Variants in CMSS1 observed in about 807,000 individuals in gnomAD.
The protein encoded by CMSS1 is protein CMSS1.
A neutral mutation model predicts 43.5 loss-of-function variants in CMSS1; 33 were observed. The ratio of observed to expected loss-of-function variants is 0.76; its 90% CI spans 0.57 to 1.01. The LOEUF (loss-of-function observed/expected upper bound fraction) is 1.01, where lower values mean the gene tolerates loss of function less well. CMSS1 is among the 50% of genes least tolerant of loss of function. The pLI is 0.00. For synonymous variants in CMSS1, 115 were observed against 117.2 expected (o/e 0.98, Z 0.12); for missense variants, 313 against 326.4 (o/e 0.96, Z 0.32).
intron 1 of CMSS1, among the ~76,000 whole-genome samples, chr3:100,047,630 G>A (rs35410052): frequency 2.2e-3 from 332 of 152,298 alleles, no homozygotes; most frequent in Non-Finnish European, 3.8e-3. Context: ...TCAACTGCAG[G>A]TGTCTGTCAA....
At chr3:99,845,776 T>C (rs1019210647) in intron 1 of CMSS1, among the ~76,000 whole-genome samples, 2 of 152,198 alleles carry the variant, frequency 1.3e-5, no homozygotes, top group African/African-American at 4.8e-5. Context: ...GTAACACTTG[T>C]AATAATCTAC....
At chr3:99,949,817 G>C (rs1220608957) in intron 1 of CMSS1, among the ~76,000 whole-genome samples, 1 of 152,102 alleles carries the variant, frequency 6.6e-6, no homozygotes, top group African/African-American at 2.4e-5. Context: ...CTTACATGTA[G>C]AAATAATTCT....
chr3:100,083,826 T>C (rs1389753689), intron 1 of CMSS1, among the ~76,000 whole-genome samples: 2 of 152,136 alleles, frequency 1.3e-5, no homozygotes, highest in African/African-American at 4.8e-5. Context: ...CCTCCCACCT[T>C]GGCCTCCCAA....
Position 99,849,321 on chromosome 3 carries a change from G to C in CMSS1, c.64+31278G>C, listed in dbSNP as rs565335249. On this transcript the variant is annotated intron_variant, in intron 1 of 9. Transcript: ENST00000421999. ...GAGGATCGGAAATTCTTCTTCCATT[G>C]AGACTAGGCCTGAGGCTCTTACTGA... 18 of 1,614,116 alleles carry C rather than the reference G, an allele frequency of 1.1e-5. No homozygotes were observed. In the East Asian group the frequency reaches 4.0e-4, roughly 36 times the overall value.
intron 1 of CMSS1, among the ~76,000 whole-genome samples, chr3:99,832,459 T>C (rs1010984008): frequency 6.1e-5 from 9 of 146,842 alleles, no homozygotes; most frequent in Non-Finnish European, 9.0e-5. Context: ...CTCGATCTCC[T>C]GACCTCATGA....
At chr3:100,084,647 C>G (rs932355677) in intron 1 of CMSS1, among the ~76,000 whole-genome samples, 1 of 152,180 alleles carries the variant, frequency 6.6e-6, no homozygotes, top group South Asian at 2.1e-4. Context: ...GGGATTTGAC[C>G]GTAAAGCCAT....
intron 1 of CMSS1, among the ~76,000 whole-genome samples, chr3:100,032,198 G>A (rs967768799): frequency 7.9e-5 from 12 of 152,156 alleles, no homozygotes; most frequent in Admixed American, 3.9e-4. Flanking sequence ...ATTTAAATGT[G>A]GTAGAGGAAA....
At chr3:99,957,693 C>CTCTTTTTTTTTTT (rs1708364535) in intron 1 of CMSS1, among the ~76,000 whole-genome samples, 2 of 19,904 alleles carry the variant, frequency 1.0e-4, no homozygotes, top group East Asian at 1.8e-3. Context: ...TTCTTTCTTT[C>CTCTTTTTTTTTTT]TTTTTTTTTT....
At chr3:100,035,281 T>C (rs184048581) in intron 1 of CMSS1, among the ~76,000 whole-genome samples, 1 of 152,246 alleles carries the variant, frequency 6.6e-6, no homozygotes, top group Admixed American at 6.5e-5. Context: ...TTAGTATTAT[T>C]ATTATTATTT....
chr3:99,996,988 A>G (rs1044237959), intron 1 of CMSS1, among the ~76,000 whole-genome samples: 3 of 152,254 alleles, frequency 2.0e-5, no homozygotes, highest in Non-Finnish European at 4.4e-5. Flanking sequence ...CCTATGGTAT[A>G]CAGCACAAGC....
At chr3:100,104,895 A>G (rs987597354) in intron 1 of CMSS1, among the ~76,000 whole-genome samples, 2 of 152,114 alleles carry the variant, frequency 1.3e-5, no homozygotes, top group Non-Finnish European at 2.9e-5. Flanking sequence ...CTTCACTTCC[A>G]TGTTTTTCTA....
intron 4 of CMSS1, among the ~76,000 whole-genome samples, chr3:100,164,795 T>C (rs887477462): frequency 6.6e-6 from 1 of 152,188 alleles, no homozygotes; most frequent in African/African-American, 2.4e-5. Flanking sequence ...ATATAAATAA[T>C]AACATACTGT....
intron 1 of CMSS1, among the ~76,000 whole-genome samples, chr3:100,126,068 G>A (rs1235817888): frequency 2.0e-5 from 3 of 152,172 alleles, no homozygotes; most frequent in Admixed American, 1.3e-4. Flanking sequence ...ACAGTGAGTG[G>A]CTTTGTCTCT....
chr3:99,888,990 T>C (rs1410521021), intron 1 of CMSS1, among the ~76,000 whole-genome samples: 2 of 152,206 alleles, frequency 1.3e-5, no homozygotes, highest in African/African-American at 4.8e-5. Context: ...TTGATCAGTA[T>C]GTTATCTATC....
chr3:99,872,961 AGT>A, intron 1 of CMSS1, among the ~76,000 whole-genome samples: 1 of 152,104 alleles, frequency 6.6e-6, no homozygotes, highest in African/African-American at 2.4e-5. Context: ...AAGGCTGATA[AGT>A]GTTGGTGATA....
At chr3:99,924,090 A>T in intron 1 of CMSS1, 1 of 744,254 alleles carries the variant, frequency 1.3e-6, no homozygotes, top group African/African-American at 1.7e-5. Flanking sequence ...GTCTTCAAAC[A>T]TATCCTTTTC....
intron 1 of CMSS1, among the ~76,000 whole-genome samples, chr3:99,962,174 G>A (rs1306954399): frequency 2.6e-5 from 4 of 152,168 alleles, no homozygotes; most frequent in African/African-American, 4.8e-5. Context: ...GGGATGCGTG[G>A]TGAGTTCAGG....
At chr3:100,104,286 C>T (rs545326495) in intron 1 of CMSS1, among the ~76,000 whole-genome samples, 1 of 152,318 alleles carries the variant, frequency 6.6e-6, no homozygotes, top group South Asian at 2.1e-4. Flanking sequence ...TCACCCTGAC[C>T]TCTGCCTGAA....
At chr3:100,116,636 A>G (rs557159869) in intron 1 of CMSS1, among the ~76,000 whole-genome samples, 1 of 152,188 alleles carries the variant, frequency 6.6e-6, no homozygotes, top group East Asian at 1.9e-4. Flanking sequence ...ACGCGCGCCT[A>G]TATCTGTTGC....
Sources: allele counts gnomAD v4.1 joint callset (sites outside exome capture counted in the v4.1 genomes callset), GRCh38; gene constraint gnomAD v4.1.1; transcripts MANE v1.5; gene names NCBI Gene and HGNC (gene_info 2026-07-23, HGNC 2026-07-21).